Variants in COL4A6 observed in about 807,000 individuals in gnomAD.
COL4A6 encodes the protein collagen alpha-6(IV) chain.
COL4A6 carries 59 observed loss-of-function variants against 126.7 expected under a neutral mutation model. The ratio of observed to expected loss-of-function variants is 0.47; its 90% confidence interval spans 0.38 to 0.58. The LOEUF (loss-of-function observed/expected upper bound fraction) is 0.58. Among genes scored for constraint, COL4A6 ranks in the 20% least tolerant of loss-of-function variants. The pLI, the probability that COL4A6 is intolerant of heterozygous loss-of-function variation, is 0.00. For missense variants in COL4A6, 1,285 were observed against 1,337.3 expected (o/e 0.96, Z 0.61); for synonymous variants, 547 against 496.6 (o/e 1.10, Z -1.35).
intron 2 of COL4A6, among the ~76,000 whole-genome samples, chrX:108,427,462 G>A (rs1476661270): frequency 8.9e-6 from 1 of 112,224 alleles, no homozygotes; most frequent in East Asian, 2.8e-4. Context: ...TCCATCTGTA[G>A]AGACAGGAGG....
At chrX:108,236,188 T>G (rs2036425766) in intron 3 of COL4A6, among the ~76,000 whole-genome samples, 1 of 111,526 alleles carries the variant, frequency 9.0e-6, no homozygotes, top group Admixed American at 9.5e-5. Context: ...TCAAGTACTT[T>G]CCCCTTCAGG....
chrX:108,258,989 A>G (rs2037083451), intron 3 of COL4A6, among the ~76,000 whole-genome samples: 1 of 111,521 alleles, frequency 9.0e-6, no homozygotes, highest in Non-Finnish European at 1.9e-5. Flanking sequence ...CAATGTTAGT[A>G]CACTTAATAA....
intron 2 of COL4A6, among the ~76,000 whole-genome samples, chrX:108,425,819 A>G (rs748113313): frequency 5.4e-5 from 6 of 110,393 alleles, no homozygotes; most frequent in Non-Finnish European, 1.1e-4. Context: ...CTTCCTTCTT[A>G]CTGACTTTAT....
At chrX:108,181,191 A>T (rs189519417) in intron 23 of COL4A6, among the ~76,000 whole-genome samples, 2 of 112,432 alleles carry the variant, frequency 1.8e-5, no homozygotes, top group East Asian at 5.6e-4. Flanking sequence ...GTGCTAGGAT[A>T]TCACTTATCA....
chrX:108,268,041 T>C (rs1183911278), intron 3 of COL4A6: 1 of 112,087 alleles, frequency 8.9e-6, no homozygotes, highest in Non-Finnish European at 1.9e-5. Context: ...AGTGATCAAC[T>C]TGTTGTGTGG....
intron 37 of COL4A6, among the ~76,000 whole-genome samples, chrX:108,168,091 G>T (rs2034188877): frequency 8.9e-6 from 1 of 112,342 alleles, no homozygotes; most frequent in African/African-American, 3.2e-5. Flanking sequence ...TTTGTTTAGT[G>T]CTATGTTGCT....
intron 2 of COL4A6, among the ~76,000 whole-genome samples, chrX:108,394,116 T>A (rs1417426154): frequency 8.9e-6 from 1 of 112,100 alleles, no homozygotes; most frequent in African/African-American, 3.2e-5. Context: ...TGAGTTCATA[T>A]CCTTTGCAGG....
chrX:108,397,366 A>T (rs2040988790), intron 2 of COL4A6, among the ~76,000 whole-genome samples: 1 of 111,232 alleles, frequency 9.0e-6, no homozygotes, highest in Non-Finnish European at 1.9e-5. Context: ...TCACTTAACA[A>T]TCAACAATTG....
chrX:108,410,509 A>G (rs1345287361), intron 2 of COL4A6, among the ~76,000 whole-genome samples: 1 of 111,478 alleles, frequency 9.0e-6, no homozygotes, highest in Non-Finnish European at 1.9e-5. Context: ...ATAAGCACAT[A>G]TTAATAACAT....
chrX:108,342,870 T>C (rs2039600389), intron 2 of COL4A6, among the ~76,000 whole-genome samples: 1 of 109,047 alleles, frequency 9.2e-6, no homozygotes, highest in Non-Finnish European at 1.9e-5. Flanking sequence ...ATTCAAACAG[T>C]ATTTGAGAGT....
At position 108,157,173 on chromosome X, in the gene COL4A6, C is replaced by T. The variant is rs776799928; in HGVS notation, c.4900G>A (p.Glu1634Lys). Residue 1634 changes from glutamate (E) to lysine (K), a missense_variant, in exon 45 of 45, where the codon GAA becomes AAA. Glu to Lys is a moderately conservative substitution (Grantham distance 56). Coordinates refer to ENST00000334504, the MANE Select transcript of COL4A6 (RefSeq NM_033641.4). ...CAGGTGCCTCGGGCACCACTGCATTCGATGAAAGGAGTGGCCCGAAAGTCC... is the reference window on the plus strand; with the variant it reads ...CAGGTGCCTCGGGCACCACTGCATTTGATGAAAGGAGTGGCCCGAAAGTCC... ...LEDFRATPFI[E>K]CSGARGTCHY... 1.9e-5 allele frequency: 23 copies of T among 1,210,414 alleles called. No individual in the cohort carries two copies. Among genetic ancestry groups the T allele is most frequent in the East Asian group, 8.9e-5 (3 of 33,772 alleles).
At chrX:108,169,770 G>GA (rs1044914811) in intron 36 of COL4A6, 150 bp from the exon 37 acceptor site, 5 of 909,285 alleles carry the variant, frequency 5.5e-6, no homozygotes, top group African/African-American at 4.1e-5. Context: ...CTGAGTAGAA[G>GA]AAAAAAACCC....
chrX:108,158,797 G>A (rs1231277253), intron 44 of COL4A6, among the ~76,000 whole-genome samples: 1 of 111,907 alleles, frequency 8.9e-6, no homozygotes, highest in African/African-American at 3.3e-5. Context: ...TTTTCTCTGG[G>A]GGATGTCCTG....
At chrX:108,400,853 AT>A (rs1358326941) in intron 2 of COL4A6, among the ~76,000 whole-genome samples, 1 of 111,890 alleles carries the variant, frequency 8.9e-6, no homozygotes, top group Non-Finnish European at 1.9e-5. Context: ...TCCATGAACT[AT>A]TTTTGACACA....
intron 18 of COL4A6, among the ~76,000 whole-genome samples, chrX:108,191,741 CA>C (rs1455473780): frequency 9.0e-6 from 1 of 111,567 alleles, no homozygotes. Context: ...GAAACATGAT[CA>C]GGGGCCCAGC....
chrX:108,337,141 T>C (rs1414437813), intron 2 of COL4A6, among the ~76,000 whole-genome samples: 1 of 111,753 alleles, frequency 8.9e-6, no homozygotes, highest in African/African-American at 3.2e-5. Context: ...CAGACCAGTG[T>C]CCTTTCTATT....
Position 108,177,006 on chromosome X carries a change from G to T in COL4A6, c.2521C>A (p.Pro841Thr). The T allele has an allele frequency of 8.3e-7, 1 of 1,209,864 alleles. No homozygotes were observed. Among genetic ancestry groups the T allele is most frequent in the Non-Finnish European group, 1.1e-6 (1 of 894,445 alleles). ...APGFPGISGH[P>T]GKKGTRGKKG... ...TTGCCTCTTGTTCCTTTCTTTCCAG[G>T]ATGTCCTGAATAAGCACAGGAGAGA... Residue 841 changes from proline (P) to threonine (T), a missense_variant, in exon 28 of 45, where the codon CCT becomes ACT. Physicochemically the swap from Pro to Thr is conservative, Grantham distance 38. Transcript: ENST00000334504.
chrX:108,395,757 T>C lies in COL4A6; in HGVS notation c.63+42185A>G, dbSNP rs369725469. On this transcript the variant is annotated intron_variant, in intron 2 of 44. Coordinates refer to ENST00000334504, the MANE Select transcript of COL4A6 (RefSeq NM_033641.4). ...CTGAAACTAACTTCTGTCCCAAGGG[T>C]CTCTCACAAAGATAGTAAAAAATAC... Among the ~76,000 whole-genome samples the C allele has an allele frequency of 1.0e-3, 112 of 111,877 alleles. 4 individuals carry two copies. In the East Asian group the frequency reaches 0.03, roughly 30 times the overall value.
chrX:108,220,043 C>T (rs2035974387), intron 4 of COL4A6, among the ~76,000 whole-genome samples: 1 of 111,119 alleles, frequency 9.0e-6, no homozygotes, highest in South Asian at 3.9e-4. Flanking sequence ...CCTTGAATGA[C>T]CTAATCACAA....
Sources: gnomAD v4.1 joint callset for allele counts (sites outside exome capture counted in the v4.1 genomes callset) on GRCh38, gnomAD v4.1.1 for gene constraint, MANE v1.5 for transcripts, NCBI Gene and HGNC (gene_info 2026-07-23, HGNC 2026-07-21) for gene names.